The following NAALADL2 variants were observed in gnomAD, a reference collection of about 807,000 sequenced individuals.
The protein encoded by NAALADL2 is N-acetylated alpha-linked acidic dipeptidase like 2.
In NAALADL2, 76 loss-of-function variants were observed where a neutral mutation model predicts 87.2. That is an observed-to-expected ratio of 0.87 (90% CI 0.72 to 1.05). The LOEUF is 1.05. NAALADL2 is among the 50% of genes least tolerant of loss of function. The probability of loss-of-function intolerance (pLI) is 0.00; values close to 1 mark genes in which losing one functional copy is unlikely to be tolerated. For synonymous variants in NAALADL2, 354 were observed against 331.0 expected, an observed-to-expected ratio of 1.07 and a Z score of -0.75; for missense variants, 1,089 against 945.8, an observed-to-expected ratio of 1.15 and a Z score of -1.99.
At chr3:174,502,826 C>T (rs927657974) in intron 1 of NAALADL2, among the ~76,000 whole-genome samples, 11 of 151,852 alleles carry the variant, frequency 7.2e-5, no homozygotes, top group Non-Finnish European at 1.5e-4. Context: ...GTCAGAAGTT[C>T]GAGACCAGCC....
At chr3:174,864,262 C>T (rs1345473136) in intron 1 of NAALADL2, among the ~76,000 whole-genome samples, 1 of 152,006 alleles carries the variant, frequency 6.6e-6, no homozygotes, top group African/African-American at 2.4e-5. Context: ...AGCTTATGAG[C>T]TAATTTTTTC....
At chr3:174,867,919 G>A (rs752408088) in intron 1 of NAALADL2, among the ~76,000 whole-genome samples, 11 of 151,944 alleles carry the variant, frequency 7.2e-5, no homozygotes, top group South Asian at 2.1e-4. Context: ...AGTGACTCTC[G>A]TTGGATTACC....
chr3:174,469,574 A>AC (rs1387181255), intron 1 of NAALADL2, among the ~76,000 whole-genome samples: 1 of 151,704 alleles, frequency 6.6e-6, no homozygotes, highest in Admixed American at 6.6e-5. Context: ...GACTACAGGT[A>AC]CCCGCCACCA....
intron 1 of NAALADL2, among the ~76,000 whole-genome samples, chr3:175,024,057 T>C (rs1227335365): frequency 6.6e-6 from 1 of 151,984 alleles, no homozygotes; most frequent in Non-Finnish European, 1.5e-5. Flanking sequence ...AATTGGTACA[T>C]CCTTCTACCC....
chr3:175,196,594 C>T (rs2109098705), intron 2 of NAALADL2, among the ~76,000 whole-genome samples: 1 of 152,026 alleles, frequency 6.6e-6, no homozygotes, highest in South Asian at 2.1e-4. Context: ...AAGTTTTATA[C>T]ATTGACTTCG....
intron 2 of NAALADL2, among the ~76,000 whole-genome samples, chr3:174,658,994 G>A (rs1725246585): frequency 6.6e-6 from 1 of 151,938 alleles, no homozygotes; most frequent in African/African-American, 2.4e-5. Context: ...ATAATTGATG[G>A]TCTCCTTTTT....
At chr3:175,126,247 C>T (rs1349722663) in intron 2 of NAALADL2, among the ~76,000 whole-genome samples, 7 of 151,866 alleles carry the variant, frequency 4.6e-5, no homozygotes, top group Non-Finnish European at 1.0e-4. Context: ...ATAAAAGAGG[C>T]GATTGACTTA....
intron 2 of NAALADL2, among the ~76,000 whole-genome samples, chr3:175,188,137 A>G (rs968349476): frequency 2.6e-5 from 4 of 152,136 alleles, no homozygotes; most frequent in African/African-American, 7.2e-5. Context: ...CTCTTTTTCT[A>G]TCATGAATTT....
chr3:175,683,697 A>G (rs1264424705), intron 11 of NAALADL2, among the ~76,000 whole-genome samples: 1 of 151,974 alleles, frequency 6.6e-6, no homozygotes, highest in Non-Finnish European at 1.5e-5. Context: ...AAATTTTGTT[A>G]TTTGTAAGTG....
At chr3:175,093,661 G>A (rs1246806756) in intron 1 of NAALADL2, among the ~76,000 whole-genome samples, 4 of 151,090 alleles carry the variant, frequency 2.6e-5, no homozygotes, top group African/African-American at 4.9e-5. Context: ...TATCATATAT[G>A]TCATTACATA....
intron 1 of NAALADL2, among the ~76,000 whole-genome samples, chr3:174,919,760 G>C (rs898187139): frequency 3.3e-5 from 5 of 152,148 alleles, no homozygotes; most frequent in Admixed American, 6.6e-5. Context: ...ACTTCTTCCA[G>C]ATCTATCAGA....
chr3:174,557,951 A>G (rs1713057396), intron 2 of NAALADL2, among the ~76,000 whole-genome samples: 1 of 152,200 alleles, frequency 6.6e-6, no homozygotes. Context: ...AATGTTAACC[A>G]GTGAAACTTC....
At chr3:175,717,436 A>T (rs1000723965) in intron 11 of NAALADL2, among the ~76,000 whole-genome samples, 1 of 152,160 alleles carries the variant, frequency 6.6e-6, no homozygotes, top group African/African-American at 2.4e-5. Flanking sequence ...TCACACCTGT[A>T]ATCCCAGCAC....
intron 9 of NAALADL2, among the ~76,000 whole-genome samples, chr3:175,559,849 T>C (rs1715983145): frequency 1.3e-5 from 2 of 152,192 alleles, no homozygotes; most frequent in African/African-American, 2.4e-5. Flanking sequence ...TGTTTTGTTG[T>C]GGATTATTGC....
intron 1 of NAALADL2, among the ~76,000 whole-genome samples, chr3:175,072,572 C>G (rs1334981576): frequency 6.6e-6 from 1 of 150,884 alleles, no homozygotes; most frequent in Admixed American, 6.6e-5. Context: ...GGTGGCTTAT[C>G]CATCTTGAAC....
Position 175,808,101 on chromosome 3 carries a change from T to G in NAALADL2, c.*4898T>G, listed in dbSNP as rs1210616418. ...TCTGTTAATCAGCCAGAGTTTTAGT[T>G]TCATAATATCGTTCCATTGCCTGAC... On this transcript the variant is annotated 3_prime_UTR_variant, in exon 14 of 14. Transcript: ENST00000454872. 1 of 151,892 alleles carries G rather than the reference T, an allele frequency of 6.6e-6. No homozygotes were observed. Among genetic ancestry groups the G allele is most frequent in the African/African-American group, 2.4e-5 (1 of 41,404 alleles). The allele number at this position is 151,892 out of a possible 1,614,324, so 9.4% of individuals were successfully genotyped here.
rs112560211 is a variant in NAALADL2, at chr3:175,355,360, G to T, written c.1090+31035G>T. ...GCTGTGATTACAGGTGTTAGACACCGCGCCCAGCCACAGCACAATAAAATT... is the reference window on the plus strand; with the variant it reads ...GCTGTGATTACAGGTGTTAGACACCTCGCCCAGCCACAGCACAATAAAATT... On this transcript the variant is annotated intron_variant, in intron 5 of 13. Transcript: ENST00000454872. Among the ~76,000 whole-genome samples the T allele has an allele frequency of 3.9e-5, 6 of 152,166 alleles. No homozygotes were observed. The South Asian group carries it at 1.0e-3, about 26-fold the overall frequency.
chr3:175,729,908 C>T (rs929983726), intron 11 of NAALADL2, among the ~76,000 whole-genome samples: 2 of 151,230 alleles, frequency 1.3e-5, no homozygotes, highest in African/African-American at 4.9e-5. Context: ...TAACTGAGGA[C>T]ATTTAAAAAA....
intron 2 of NAALADL2, among the ~76,000 whole-genome samples, chr3:174,635,128 G>T (rs1341149002): frequency 6.6e-6 from 1 of 152,082 alleles, no homozygotes; most frequent in Non-Finnish European, 1.5e-5. Context: ...TAATTATTTT[G>T]TGTAGTGACC....
Sources: allele counts gnomAD v4.1 joint callset (sites outside exome capture counted in the v4.1 genomes callset), GRCh38; gene constraint gnomAD v4.1.1; transcripts MANE v1.5; gene names NCBI Gene and HGNC (gene_info 2026-07-23, HGNC 2026-07-21).